ADCY2: variants seen among roughly 807,000 people sequenced by gnomAD.
ADCY2 encodes the protein adenylate cyclase type 2.
A neutral mutation model predicts 125.2 loss-of-function variants in ADCY2; 31 were observed. The ratio of observed to expected loss-of-function variants is 0.25; its 90% confidence interval spans 0.19 to 0.33. The LOEUF is 0.33. Ranked by LOEUF, ADCY2 falls within the 10% of genes least tolerant of loss-of-function variation. The pLI is 1.00. For missense variants in ADCY2, 904 were observed against 1,418.2 expected (o/e 0.64, Z 5.82); for synonymous variants, 512 against 548.4 (o/e 0.93, Z 0.93).
In ADCY2 at chr5:7,627,721, T is replaced by C. The variant is rs373284755; in HGVS notation, c.720+1405T>C. Among the ~76,000 whole-genome samples the C allele has an allele frequency of 2.6e-5, 4 of 152,342 alleles. No homozygotes were observed. In the East Asian group the frequency reaches 5.8e-4, roughly 22 times the overall value. ...CCTTTAAATTTTGGCACTAGTCCTT[T>C]GTCTATGTGTGGACTGCTGAATGGT... On this transcript the variant is annotated intron_variant, in intron 4 of 24. Coordinates refer to ENST00000338316, the MANE Select transcript of ADCY2 (RefSeq NM_020546.3).
intron 15 of ADCY2, among the ~76,000 whole-genome samples, chr5:7,745,867 T>C (rs1742601756): frequency 6.6e-6 from 1 of 152,188 alleles, no homozygotes; most frequent in Non-Finnish European, 1.5e-5. Context: ...TTCATTCTAC[T>C]CTCTAAGTTG....
At chr5:7,602,289 A>G (rs902680537) in intron 3 of ADCY2, among the ~76,000 whole-genome samples, 2 of 152,218 alleles carry the variant, frequency 1.3e-5, no homozygotes, top group African/African-American at 2.4e-5. Flanking sequence ...ATTGAGTAAA[A>G]TCTGCTTCGA....
intron 3 of ADCY2, among the ~76,000 whole-genome samples, chr5:7,621,556 C>A (rs926270932): frequency 9.9e-5 from 15 of 152,208 alleles, no homozygotes; most frequent in Admixed American, 9.8e-4. Flanking sequence ...GCCCTCAGGT[C>A]ACTTAATTGT....
intron 13 of ADCY2, among the ~76,000 whole-genome samples, chr5:7,726,409 G>A (rs1741933532): frequency 6.6e-6 from 1 of 152,124 alleles, no homozygotes; most frequent in Non-Finnish European, 1.5e-5. Flanking sequence ...GGGAAAGCAG[G>A]GAATGCAGGG....
At chr5:7,698,465 T>A in intron 7 of ADCY2, 91 bp downstream of exon 7, 1 of 1,366,376 alleles carries the variant, frequency 7.3e-7, no homozygotes, top group Non-Finnish European at 1.0e-6. Flanking sequence ...TAGGTATACA[T>A]GTACTGTGTT....
At position 7,693,408 on chromosome 5, in the gene ADCY2, TTTTTG is replaced by T. The variant is rs1173524573; in HGVS notation, c.870-2339_870-2335del. On this transcript the variant is annotated intron_variant, in intron 5 of 24. Coordinates refer to ENST00000338316, the MANE Select transcript of ADCY2 (RefSeq NM_020546.3). ...ACCTTGCATCACAATTGCCTGCTGT[TTTTTG>T]TTTTTTTTTTTTTTTTTTTTTTTGA... Among the ~76,000 whole-genome samples the T allele has an allele frequency of 2.7e-3, 181 of 67,608 alleles. 6 individuals carry two copies. The highest frequency in any genetic ancestry group is 6.0e-3 in the African/African-American group (141 of 23,422). 44.4% of individuals were successfully genotyped at this position (67,608 alleles called of 152,430 possible). A position where few individuals can be genotyped will look rare whatever the true frequency, so the allele number is the denominator to read the frequency against.
intron 16 of ADCY2, 31 bp downstream of exon 16, chr5:7,757,617 T>C (rs1579398441): frequency 1.2e-6 from 2 of 1,604,970 alleles, no homozygotes; most frequent in African/African-American, 1.3e-5. Context: ...GTGTTCAACA[T>C]GGTAAGCCCC....
intron 4 of ADCY2, among the ~76,000 whole-genome samples, chr5:7,671,478 G>A (rs895181605): frequency 3.3e-5 from 5 of 152,190 alleles, no homozygotes; most frequent in African/African-American, 1.2e-4. Context: ...GAGGATTTAT[G>A]TTTAGTATTA....
chr5:7,735,693 C>G (rs1742227948), intron 14 of ADCY2, among the ~76,000 whole-genome samples: 1 of 152,166 alleles, frequency 6.6e-6, no homozygotes, highest in Non-Finnish European at 1.5e-5. Flanking sequence ...TATTGATATA[C>G]AAACCTTTTT....
At chr5:7,472,491 A>G (rs1742378032) in intron 2 of ADCY2, among the ~76,000 whole-genome samples, 1 of 151,748 alleles carries the variant, frequency 6.6e-6, no homozygotes, top group Admixed American at 6.5e-5. Context: ...CATATATAAT[A>G]TATGATGCAA....
At chr5:7,407,891 CAG>C (rs1182208048) in intron 1 of ADCY2, among the ~76,000 whole-genome samples, 2 of 137,032 alleles carry the variant, frequency 1.5e-5, no homozygotes, top group African/African-American at 5.5e-5. Context: ...TTTTTTGAGA[CAG>C]AGTCTCGCTC....
intron 2 of ADCY2, among the ~76,000 whole-genome samples, chr5:7,516,314 A>T (rs1744252591): frequency 6.6e-6 from 1 of 152,174 alleles, no homozygotes; most frequent in South Asian, 2.1e-4. Context: ...ATATAAAAGC[A>T]CCCAATTTTT....
At chr5:7,714,670 G>C (rs888909621) in intron 11 of ADCY2, among the ~76,000 whole-genome samples, 1 of 152,226 alleles carries the variant, frequency 6.6e-6, no homozygotes, top group Non-Finnish European at 1.5e-5. Context: ...GCCTGCTTTA[G>C]TAAAGGCCTC....
intron 1 of ADCY2, among the ~76,000 whole-genome samples, chr5:7,401,749 C>T (rs890169225): frequency 3.9e-5 from 6 of 152,156 alleles, no homozygotes; most frequent in Non-Finnish European, 8.8e-5. Flanking sequence ...GTGATTCTTA[C>T]TGATAATTTA....
rs1316134350 is a variant in ADCY2, at chr5:7,414,636, A to G, written c.274A>G (p.Ile92Val). The change falls in exon 2 of 25, where the codon ATA becomes GTA. Residue 92 changes from isoleucine (I) to valine (V), a missense_variant. Around this residue, in one of 7 missense-constraint regions of ADCY2, gnomAD observed 121 missense variants for 161.5 expected, o/e 0.75. Coordinates refer to ENST00000338316, the MANE Select transcript of ADCY2 (RefSeq NM_020546.3). ...AACTGCCCTGGCGATTTTCTTTGCG[A>G]TATTTATCCTGGTCTGCATCGAGTC... ...VPTALAIFFA[I>V]FILVCIESVF... is the part of the protein sequence containing the mutation. 1.2e-6 allele frequency: 2 copies of G among 1,613,526 alleles called. No individual in the cohort carries two copies. Among genetic ancestry groups the G allele is most frequent in the Non-Finnish European group, 1.7e-6 (2 of 1,179,910 alleles).
At chr5:7,436,526 T>C (rs1162986012) in intron 2 of ADCY2, among the ~76,000 whole-genome samples, 1 of 152,196 alleles carries the variant, frequency 6.6e-6, no homozygotes, top group Non-Finnish European at 1.5e-5. Context: ...AAACCGTGAT[T>C]GTATTAGAAA....
intron 23 of ADCY2, among the ~76,000 whole-genome samples, chr5:7,817,699 T>C (rs1579473787): frequency 6.6e-6 from 1 of 152,006 alleles, no homozygotes; most frequent in Admixed American, 6.5e-5. Flanking sequence ...GGCGCACGCC[T>C]GTAGTCCTAG....
intron 2 of ADCY2, among the ~76,000 whole-genome samples, chr5:7,443,641 A>C (rs890229341): frequency 7.6e-5 from 1 of 13,150 alleles, no homozygotes; most frequent in Non-Finnish European, 2.1e-4. Context: ...CTCTGTCTCA[A>C]AAAAAAAAAA....
At chr5:7,513,740 A>G (rs1744162387) in intron 2 of ADCY2, among the ~76,000 whole-genome samples, 1 of 152,210 alleles carries the variant, frequency 6.6e-6, no homozygotes, top group Admixed American at 6.5e-5. Context: ...ATATTGCGGT[A>G]CTATTGTTGG....
Sources: gnomAD v4.1 joint callset for allele counts (sites outside exome capture counted in the v4.1 genomes callset) on GRCh38, gnomAD v4.1.1 for gene constraint, gnomAD v4.1.1 regional missense constraint, MANE v1.5 for transcripts, NCBI Gene and HGNC (gene_info 2026-07-23, HGNC 2026-07-21) for gene names.